HADHA: variants seen among roughly 807,000 people sequenced by gnomAD.
HADHA encodes the protein trifunctional enzyme subunit alpha, mitochondrial.
A neutral mutation model predicts 91.3 loss-of-function variants in HADHA; 59 were observed. That is an observed-to-expected ratio of 0.65 (90% CI 0.52 to 0.80). The LOEUF is 0.80. Among genes scored for constraint, HADHA ranks in the 30% least tolerant of loss-of-function variants. HADHA has a pLI of 0.00. For missense variants in HADHA, 800 were observed against 927.6 expected (o/e 0.86, Z 1.79); for synonymous variants, 320 against 338.9 (o/e 0.94, Z 0.61).
chr2:26,218,327 A>G (rs1670288545), intron 7 of HADHA, among the ~76,000 whole-genome samples: 1 of 152,024 alleles, frequency 6.6e-6, no homozygotes, highest in South Asian at 2.1e-4. Flanking sequence ...GAAAAGAAAC[A>G]TTAGCAATCT....
intron 7 of HADHA, among the ~76,000 whole-genome samples, chr2:26,227,301 C>T (rs185915181): frequency 1.7e-3 from 255 of 152,194 alleles, no homozygotes; most frequent in Middle Eastern, 0.014. Context: ...AACTTGAGGT[C>T]AGGAGTTTGA....
chr2:26,235,641 T>A (rs962516995), intron 4 of HADHA, among the ~76,000 whole-genome samples: 1 of 152,260 alleles, frequency 6.6e-6, no homozygotes, highest in South Asian at 2.1e-4. Context: ...GCTGAATTAT[T>A]TGTGCCTAAC....
intron 6 of HADHA, 39 bp from the exon 7 acceptor site, chr2:26,230,333 A>G (rs1366062114): frequency 8.8e-7 from 1 of 1,134,770 alleles, no homozygotes; most frequent in African/African-American, 1.5e-5. Flanking sequence ...GGGGGAAAAA[A>G]ATCAGGGTGA....
At position 26,229,522 on chromosome 2, in the gene HADHA, A is replaced by T. The variant is rs1049506103; in HGVS notation, c.676+670T>A. 1.2e-4 allele frequency among the ~76,000 whole-genome samples: 18 copies of T among 152,226 alleles called. No homozygotes were observed. Among genetic ancestry groups the T allele is most frequent in the African/African-American group, 4.1e-4 (17 of 41,456 alleles). ...ACTGAATGGGAGGAAGTAGCCCATC[A>T]GTAGATATCAATTATTGTTAATATT... On this transcript the variant is annotated intron_variant, in intron 7 of 19. Transcript: ENST00000380649. The surrounding 1 kb of genome is among the most constrained non-coding windows in gnomAD (Gnocchi z 4.3).
At chr2:26,222,720 G>A (rs556326344) in intron 7 of HADHA, among the ~76,000 whole-genome samples, 9 of 152,110 alleles carry the variant, frequency 5.9e-5, no homozygotes, top group Non-Finnish European at 1.2e-4. Flanking sequence ...ATCCCACAAA[G>A]CACTGCTTCT....
At chr2:26,194,537 G>A in intron 16 of HADHA, 33 bp downstream of exon 16, 2 of 1,352,610 alleles carry the variant, frequency 1.5e-6, no homozygotes, top group Non-Finnish European at 2.1e-6. Flanking sequence ...AGGAGTGGAA[G>A]ATGCCGCAAA....
chr2:26,191,490 A>G lies in HADHA; in HGVS notation c.2139T>C (p.Cys713=), dbSNP rs771245886. The G allele has an allele frequency of 6.2e-7, 1 of 1,614,178 alleles. No individual in the cohort carries two copies. Among genetic ancestry groups the G allele is most frequent in the Non-Finnish European group, 8.5e-7 (1 of 1,180,034 alleles). Residue 713 remains cysteine (C), a synonymous_variant, in exon 19 of 20, where the codon TGT becomes TGC. Coordinates refer to ENST00000380649, the MANE Select transcript of HADHA (RefSeq NM_000182.5). ...GAVFGLGFPP[C]LGGPFRFVDL... Reference sequence around the variant, plus strand: ...CCAACCTGCGAGACCAACCTCCCAGACAAGGCGGGAAGCCAAGCCCAAAGA... The same window carrying G: ...CCAACCTGCGAGACCAACCTCCCAGGCAAGGCGGGAAGCCAAGCCCAAAGA...
chr2:26,200,002 A>G (rs1273446220), intron 13 of HADHA, among the ~76,000 whole-genome samples: 1 of 152,240 alleles, frequency 6.6e-6, no homozygotes, highest in Non-Finnish European at 1.5e-5. Flanking sequence ...AGTTGTAAAC[A>G]CAGCAGTAGA....
intron 13 of HADHA, among the ~76,000 whole-genome samples, chr2:26,198,732 T>G (rs1669749786): frequency 6.6e-6 from 1 of 151,432 alleles, no homozygotes. Flanking sequence ...GTATTTGTGA[T>G]AAAGATCCCA....
intron 13 of HADHA, among the ~76,000 whole-genome samples, chr2:26,199,991 T>C (rs1212582787): frequency 6.6e-6 from 1 of 152,150 alleles, no homozygotes; most frequent in Admixed American, 6.5e-5. Flanking sequence ...TGTGAAAAGA[T>C]AGTTGTAAAC....
At chr2:26,236,359 G>GTGTGTGTGTA (rs141555532) in intron 4 of HADHA, among the ~76,000 whole-genome samples, 21 of 137,924 alleles carry the variant, frequency 1.5e-4, no homozygotes, top group South Asian at 4.7e-4. Context: ...GTGTGTGTGT[G>GTGTGTGTGTA]TATATATATA....
At chr2:26,233,541 C>T (rs954469165) in intron 5 of HADHA, among the ~76,000 whole-genome samples, 2 of 152,026 alleles carry the variant, frequency 1.3e-5, no homozygotes, top group African/African-American at 2.4e-5. Context: ...TATTATTTAC[C>T]GTCTTTACTA....
chr2:26,193,194 G>T (rs1445223297), intron 17 of HADHA, among the ~76,000 whole-genome samples: 2 of 151,808 alleles, frequency 1.3e-5, no homozygotes, highest in Admixed American at 1.3e-4. Context: ...TGTCCATCTG[G>T]CATAACTTGG....
In HADHA at chr2:26,191,141, G is replaced by A. The variant is rs563326576; in HGVS notation, c.*109C>T. 2.4e-4 allele frequency: 266 copies of A among 1,115,792 alleles called. 1 individual carries two copies. The African/African-American group carries it at 3.7e-3, about 15-fold the overall frequency. 69.1% of individuals were successfully genotyped at this position (1,115,792 alleles called of 1,614,324 possible). Reference sequence around the variant, plus strand: ...TTAATCAGGGAGCAAACCCAGTGCCGGAGTTTGTCTTCTCGTTACTCTGAT... The same window carrying A: ...TTAATCAGGGAGCAAACCCAGTGCCAGAGTTTGTCTTCTCGTTACTCTGAT... On this transcript the variant is annotated 3_prime_UTR_variant, in exon 20 of 20. Coordinates refer to ENST00000380649, the MANE Select transcript of HADHA (RefSeq NM_000182.5).
intron 5 of HADHA, among the ~76,000 whole-genome samples, 181 bp downstream of exon 5, chr2:26,234,036 G>A (rs778559334): frequency 5.9e-5 from 9 of 152,190 alleles, no homozygotes; most frequent in Non-Finnish European, 8.8e-5. Context: ...AGCCAAGATC[G>A]TGCCATTGCT....
At chr2:26,201,403 G>A (rs1319090689) in intron 12 of HADHA, 83 bp from the exon 13 acceptor site, 1 of 900,940 alleles carries the variant, frequency 1.1e-6, no homozygotes, top group Non-Finnish European at 1.8e-6. Context: ...GCACACCTGT[G>A]TTTTTCACCA....
In HADHA at chr2:26,196,641, T is replaced by C. The variant is rs371275865; in HGVS notation, c.1479+1050A>G. ...AGATGGTTGGTCACCCTATTTTGTC[T>C]TTTTGGCCTTACTTTTAAATGAATG... On this transcript the variant is annotated intron_variant, in intron 14 of 19. Transcript: ENST00000380649. 1.1e-3 allele frequency among the ~76,000 whole-genome samples: 173 copies of C among 152,290 alleles called. 7 individuals are homozygous for C. In the South Asian group the frequency reaches 0.028, roughly 25 times the overall value.
Position 26,234,229 on chromosome 2 carries a change from TC to T in HADHA, c.440del (p.Gly147GlufsTer14). On this transcript the variant is annotated frameshift_variant, in exon 5 of 20. Transcript: ENST00000380649. LOFTEE classifies it high-confidence loss of function. ...AGAATATCTATACCTCAAGTCCTCCTCCCAGGCAGGATCCATTGATGGCAGC... is the reference window on the plus strand; with the variant it reads ...AGAATATCTATACCTCAAGTCCTCCTCCAGGCAGGATCCATTGATGGCAGC... ...IVAAINGSCLGGGLEVAISCQ... is the reference protein window; with the variant it reads ...IVAAINGSCLXGGLEVAISCQ... The T allele has an allele frequency of 6.2e-7, 1 of 1,613,980 alleles. No homozygotes were observed. The highest frequency in any genetic ancestry group is 8.5e-7 in the Non-Finnish European group (1 of 1,179,852).
chr2:26,197,900 T>C, intron 13 of HADHA, 123 bp from the exon 14 acceptor site: 1 of 728,346 alleles, frequency 1.4e-6, no homozygotes, highest in Non-Finnish European at 2.6e-6. Flanking sequence ...GCTCAGACAG[T>C]AGATGTCACT....
Sources: allele counts gnomAD v4.1 joint callset (sites outside exome capture counted in the v4.1 genomes callset), GRCh38; gene constraint gnomAD v4.1.1; non-coding constraint Gnocchi (gnomAD v3.1); transcripts MANE v1.5; gene names NCBI Gene and HGNC (gene_info 2026-07-23, HGNC 2026-07-21).